NFAT5: variants seen among roughly 807,000 people sequenced by gnomAD.
NFAT5 encodes nuclear factor of activated T-cells 5.
Under a neutral mutation model 166.5 loss-of-function variants are expected in NFAT5, and 31 were observed. The observed-to-expected ratio is 0.19, with a 90% confidence interval of 0.14 to 0.25. The LOEUF (loss-of-function observed/expected upper bound fraction) is 0.25, where lower values mean the gene tolerates loss of function less well. Ranked by LOEUF, NFAT5 falls within the 10% of genes least tolerant of loss-of-function variation. The probability of loss-of-function intolerance (pLI) is 1.00; values close to 1 mark genes in which losing one functional copy is unlikely to be tolerated. For synonymous variants in NFAT5, 612 were observed against 639.7 expected, an observed-to-expected ratio of 0.96 and a Z score of 0.65; for missense variants, 1,449 against 1,821.8, an observed-to-expected ratio of 0.80 and a Z score of 3.72.
intron 11 of NFAT5, among the ~76,000 whole-genome samples, chr16:69,688,536 CT>C (rs200179147): frequency 6.6e-6 from 1 of 151,504 alleles, no homozygotes; most frequent in Non-Finnish European, 1.5e-5. Flanking sequence ...TTTATTTTTA[CT>C]TTTTTTGTAT....
Position 69,568,374 on chromosome 16 carries a change from GTGTATA to G in NFAT5, c.74-119_74-114del, listed in dbSNP as rs1328984200. ...TGTGTGTGTGTGTGTGTGTGTGTGT[GTGTATA>G]TATATATATATATACACACACACAC... On this transcript the variant is annotated intron_variant, in intron 1 of 14. Coordinates refer to ENST00000349945, the MANE Select transcript of NFAT5 (RefSeq NM_138713.4). 1.8e-3 allele frequency: 636 copies of G among 358,580 alleles called. 1 individual carries two copies. The highest frequency in any genetic ancestry group is 3.3e-3 in the South Asian group (114 of 34,112). The allele number at this position is 358,580 out of a possible 1,614,324, so 22.2% of individuals were successfully genotyped here.
chr16:69,626,565 G>GT, intron 3 of NFAT5, 37 bp downstream of exon 3: 2 of 1,475,800 alleles, frequency 1.4e-6, no homozygotes, highest in Non-Finnish European at 1.8e-6. Flanking sequence ...AGAAAACTAG[G>GT]GCCAATATAA....
At chr16:69,652,312 C>A (rs1386330193) in intron 4 of NFAT5, among the ~76,000 whole-genome samples, 2 of 151,892 alleles carry the variant, frequency 1.3e-5, no homozygotes, top group African/African-American at 4.8e-5. Context: ...ATTAGCTGGG[C>A]TTGGTGGCAC....
rs771558011 is a variant in NFAT5, at chr16:69,693,710, T to C, written c.3885T>C (p.Ala1295=). The C allele has an allele frequency of 6.2e-7, 1 of 1,614,216 alleles. No homozygotes were observed. The highest frequency in any genetic ancestry group is 1.1e-5 in the South Asian group (1 of 91,090). ...SILFSNQNTM[A]TMASPKQPPP... is the part of the protein sequence containing the mutation. Reference sequence around the variant, plus strand: ...TATTCAGTAATCAGAATACCATGGCTACAATGGCGTCTCCAAAGCAACCAC... The same window carrying C: ...TATTCAGTAATCAGAATACCATGGCCACAATGGCGTCTCCAAAGCAACCAC... The change falls in exon 13 of 15, where the codon GCT becomes GCC. Residue 1295 remains alanine, a synonymous_variant. Coordinates refer to ENST00000349945, the MANE Select transcript of NFAT5 (RefSeq NM_138713.4).
intron 2 of NFAT5, among the ~76,000 whole-genome samples, chr16:69,606,725 A>G (rs979755786): frequency 3.3e-5 from 5 of 152,166 alleles, no homozygotes; most frequent in Non-Finnish European, 4.4e-5. Flanking sequence ...GCGTGGTGGT[A>G]CGCCTGTAAT....
chr16:69,618,694 G>T (rs2034067525), intron 2 of NFAT5, among the ~76,000 whole-genome samples: 2 of 150,900 alleles, frequency 1.3e-5, no homozygotes, highest in African/African-American at 2.5e-5. Flanking sequence ...TTTTCTGAAG[G>T]TTTTTTCTAA....
At chr16:69,591,685 T>G (rs2032469314) in intron 2 of NFAT5, among the ~76,000 whole-genome samples, 1 of 152,202 alleles carries the variant, frequency 6.6e-6, no homozygotes, top group Non-Finnish European at 1.5e-5. Context: ...TAATTCTTTT[T>G]GGGTGTTCAA....
chr16:69,585,752 C>T (rs2032016788), intron 2 of NFAT5, among the ~76,000 whole-genome samples: 1 of 152,096 alleles, frequency 6.6e-6, no homozygotes. Flanking sequence ...TGTATGATTC[C>T]ATTTACATCA....
chr16:69,691,213 C>T (rs1299773815), intron 12 of NFAT5, 125 bp downstream of exon 12: 1 of 815,338 alleles, frequency 1.2e-6, no homozygotes, highest in South Asian at 3.9e-5. Context: ...AGAGGGAATG[C>T]TTTATACTTC....
chr16:69,690,914 T>A (rs747555574), intron 11 of NFAT5, 26 bp from the exon 12 acceptor site: 1 of 1,447,808 alleles, frequency 6.9e-7, no homozygotes, highest in East Asian at 2.5e-5. Context: ...TTTTAAACTT[T>A]TCTTTTTGTG....
At chr16:69,657,445 A>G (rs762263084) in intron 6 of NFAT5, among the ~76,000 whole-genome samples, 2 of 145,492 alleles carry the variant, frequency 1.4e-5, no homozygotes, top group Admixed American at 7.1e-5. Flanking sequence ...AATATTTTTT[A>G]ACTTGTAACT....
intron 3 of NFAT5, among the ~76,000 whole-genome samples, chr16:69,641,336 A>C (rs1275350522): frequency 6.8e-6 from 1 of 146,848 alleles, no homozygotes; most frequent in African/African-American, 2.5e-5. Flanking sequence ...TTTAATGATT[A>C]TTTTTGAATA....
chr16:69,677,379 T>C (rs1354752895), intron 10 of NFAT5, 44 bp downstream of exon 10: 14 of 1,489,436 alleles, frequency 9.4e-6, no homozygotes, highest in Non-Finnish European at 1.2e-5. Context: ...AATAATTAAT[T>C]TCCAGTTTTT....
intron 10 of NFAT5, 85 bp from the exon 11 acceptor site, chr16:69,684,802 C>T (rs1322451473): frequency 1.2e-6 from 1 of 822,858 alleles, no homozygotes; most frequent in African/African-American, 1.8e-5. Flanking sequence ...TACTTTGTGA[C>T]AAGATATTCT....
intron 2 of NFAT5, among the ~76,000 whole-genome samples, chr16:69,617,616 G>A (rs1029393242): frequency 2.6e-5 from 4 of 151,058 alleles, no homozygotes; most frequent in South Asian, 4.2e-4. Context: ...TCAGCCTCCC[G>A]AGTAGCTGGA....
chr16:69,691,198 T>C (rs2037531991), intron 12 of NFAT5, 110 bp downstream of exon 12: 1 of 1,034,660 alleles, frequency 9.7e-7, no homozygotes, highest in Non-Finnish European at 1.3e-6. Context: ...TGAATTTTGC[T>C]GTAAAGAGGG....
chr16:69,695,323 G>A lies in NFAT5; in HGVS notation c.4602G>A (p.Leu1534=). Residue 1534 remains leucine, a synonymous_variant, in exon 14 of 15, where the codon TTG becomes TTA. Transcript: ENST00000349945. ...ACCAGAACATCGAAAAGATTGATTT[G>A]CTTGTTTCATTGCAAAACCAAGGGA... ...NTNQNIEKID[L]LVSLQNQGNN... 5 of 1,614,126 alleles carry A rather than the reference G, an allele frequency of 3.1e-6. No homozygotes were observed. In the African/African-American group the frequency reaches 4.0e-5, roughly 13 times the overall value.
intron 5 of NFAT5, among the ~76,000 whole-genome samples, chr16:69,655,225 T>TTGA (rs148855899): frequency 2.0e-5 from 3 of 152,102 alleles, no homozygotes; most frequent in South Asian, 2.1e-4. Context: ...GTGCTCTCAT[T>TTGA]TGATGATGAT....
intron 2 of NFAT5, among the ~76,000 whole-genome samples, chr16:69,592,515 G>A (rs566725747): frequency 1.3e-5 from 2 of 152,218 alleles, no homozygotes; most frequent in South Asian, 2.1e-4. Context: ...ATAAAAGCTT[G>A]TGATTATTTC....
Sources: gnomAD v4.1 joint callset for allele counts (sites outside exome capture counted in the v4.1 genomes callset) on GRCh38, gnomAD v4.1.1 for gene constraint, MANE v1.5 for transcripts, NCBI Gene and HGNC (gene_info 2026-07-23, HGNC 2026-07-21) for gene names.